The following CNTN6 variants were observed in gnomAD, a reference collection of about 807,000 sequenced individuals.
CNTN6 encodes contactin-6.
In CNTN6, 137 loss-of-function variants were observed where a neutral mutation model predicts 122.8. That is an observed-to-expected ratio of 1.12 (90% CI 0.97 to 1.29). CNTN6 has a LOEUF of 1.29. Among genes scored for constraint, CNTN6 ranks in the 50% most tolerant of loss-of-function variants. The pLI is 0.00. For missense variants in CNTN6, 1,634 were observed against 1,223.4 expected (o/e 1.34, Z -5.01); for synonymous variants, 570 against 426.0 (o/e 1.34, Z -4.16).
intron 5 of CNTN6, among the ~76,000 whole-genome samples, chr3:1,291,025 C>G (rs1225093921): frequency 6.6e-6 from 1 of 152,156 alleles, no homozygotes; most frequent in Non-Finnish European, 1.5e-5. Flanking sequence ...AGCCCGTATT[C>G]AAGATGGAGT....
intron 17 of CNTN6, among the ~76,000 whole-genome samples, chr3:1,378,081 TTC>T (rs895110357): frequency 1.1e-4 from 16 of 152,226 alleles, no homozygotes; most frequent in African/African-American, 3.9e-4. Context: ...CCAGTGAATA[TTC>T]TCTCTCTTGT....
chr3:1,378,512 G>A (rs1710203596), intron 17 of CNTN6, among the ~76,000 whole-genome samples: 1 of 152,112 alleles, frequency 6.6e-6, no homozygotes, highest in South Asian at 2.1e-4. Flanking sequence ...TATAGGCCTA[G>A]CACAGTGCTT....
At chr3:1,178,231 A>T (rs181746707) in intron 2 of CNTN6, among the ~76,000 whole-genome samples, 105 of 152,164 alleles carry the variant, frequency 6.9e-4, no homozygotes, top group Non-Finnish European at 9.9e-4. Flanking sequence ...TTATTCTTCC[A>T]GGATTCCAAT....
At chr3:1,182,209 C>T (rs1218301828) in intron 2 of CNTN6, among the ~76,000 whole-genome samples, 1 of 152,060 alleles carries the variant, frequency 6.6e-6, no homozygotes, top group African/African-American at 2.4e-5. Context: ...TCCCAATATC[C>T]AAGGGAGAAA....
intron 2 of CNTN6, among the ~76,000 whole-genome samples, chr3:1,217,076 A>G (rs781592813): frequency 5.9e-5 from 9 of 152,216 alleles, no homozygotes; most frequent in Non-Finnish European, 1.2e-4. Context: ...TTAAATCTCA[A>G]AACAACCATC....
intron 7 of CNTN6, among the ~76,000 whole-genome samples, chr3:1,303,397 G>A (rs75783561): frequency 0.074 from 11,185 of 152,094 alleles, 405 homozygotes; most frequent in East Asian, 0.14. Context: ...AACTTTTAGC[G>A]TGAGGTTTTA....
chr3:1,308,714 T>A (rs1404808871), intron 7 of CNTN6, among the ~76,000 whole-genome samples: 1 of 152,054 alleles, frequency 6.6e-6, no homozygotes, highest in Admixed American at 6.6e-5. Context: ...CTCCACACAG[T>A]GCTGTCCCAT....
intron 1 of CNTN6, among the ~76,000 whole-genome samples, chr3:1,110,115 C>T (rs1232025330): frequency 6.6e-6 from 1 of 151,902 alleles, no homozygotes; most frequent in African/African-American, 2.4e-5. Flanking sequence ...TTATGTTTTT[C>T]ACATCTGATA....
At chr3:1,097,278 C>G (rs903616796) in intron 1 of CNTN6, among the ~76,000 whole-genome samples, 1 of 152,112 alleles carries the variant, frequency 6.6e-6, no homozygotes. Context: ...TTTACAGAAA[C>G]GTTACATCAT....
chr3:1,267,673 T>A (rs1299046219), intron 4 of CNTN6, among the ~76,000 whole-genome samples: 1 of 152,166 alleles, frequency 6.6e-6, no homozygotes, highest in Non-Finnish European at 1.5e-5. Context: ...CCATTTACGG[T>A]CCAAGTTAAA....
chr3:1,334,042 T>A (rs7620840), intron 11 of CNTN6, among the ~76,000 whole-genome samples: 28,970 of 152,028 alleles, frequency 0.19, 3,556 homozygotes, highest in East Asian at 0.56. Context: ...AAGTCTTGGC[T>A]GTTTTAAGAG....
intron 7 of CNTN6, among the ~76,000 whole-genome samples, chr3:1,304,014 A>G (rs1697899577): frequency 6.6e-6 from 1 of 152,144 alleles, no homozygotes; most frequent in Admixed American, 6.5e-5. Flanking sequence ...ACTCCTATGC[A>G]GATCTTCAGA....
chr3:1,327,430 A>G (rs763960949), intron 9 of CNTN6, 27 bp from the exon 10 acceptor site: 2 of 1,604,434 alleles, frequency 1.2e-6, no homozygotes, highest in African/African-American at 1.3e-5. Context: ...ACGTACAAGC[A>G]TCTTTATATG....
intron 1 of CNTN6, among the ~76,000 whole-genome samples, chr3:1,096,490 T>A (rs1484491954): frequency 6.6e-6 from 1 of 152,242 alleles, no homozygotes; most frequent in Non-Finnish European, 1.5e-5. Flanking sequence ...ATCTCATTTG[T>A]CTACTTTCCA....
intron 12 of CNTN6, among the ~76,000 whole-genome samples, chr3:1,357,770 A>G (rs900725576): frequency 6.6e-6 from 1 of 151,880 alleles, no homozygotes; most frequent in African/African-American, 2.4e-5. Flanking sequence ...GCAATTTTAT[A>G]TGTACATTTT....
At chr3:1,127,543 TA>T (rs1332586653) in intron 1 of CNTN6, among the ~76,000 whole-genome samples, 1 of 151,892 alleles carries the variant, frequency 6.6e-6, no homozygotes, top group Non-Finnish European at 1.5e-5. Context: ...GTAAAAGCCG[TA>T]AATGATAACA....
chr3:1,178,707 GTT>G (rs1469158418), intron 2 of CNTN6, among the ~76,000 whole-genome samples: 1 of 152,136 alleles, frequency 6.6e-6, no homozygotes, highest in African/African-American at 2.4e-5. Flanking sequence ...GAATAGGCAT[GTT>G]TTTACTTCTG....
intron 12 of CNTN6, among the ~76,000 whole-genome samples, chr3:1,368,950 C>T (rs1175679984): frequency 2.0e-5 from 3 of 152,176 alleles, no homozygotes; most frequent in Admixed American, 6.5e-5. Flanking sequence ...ACCTTAATGA[C>T]GTTTGTGGCT....
At chr3:1,253,796 G>A (rs1382281945) in intron 4 of CNTN6, among the ~76,000 whole-genome samples, 2 of 152,130 alleles carry the variant, frequency 1.3e-5, no homozygotes, top group Non-Finnish European at 2.9e-5. Context: ...CTCACCTCCT[G>A]CTGTGCAGTC....
Sources: allele counts gnomAD v4.1 joint callset (sites outside exome capture counted in the v4.1 genomes callset), GRCh38; gene constraint gnomAD v4.1.1; transcripts MANE v1.5; gene names NCBI Gene and HGNC (gene_info 2026-07-23, HGNC 2026-07-21).